CREB5: variants seen among roughly 807,000 people sequenced by gnomAD.
CREB5 encodes the protein cAMP responsive element binding protein 5.
In CREB5, 19 loss-of-function variants were observed where a neutral mutation model predicts 57.1. That is an observed-to-expected ratio of 0.33 (90% CI 0.23 to 0.49). The LOEUF (loss-of-function observed/expected upper bound fraction) is 0.49, where lower values mean the gene tolerates loss of function less well. Among genes scored for constraint, CREB5 ranks in the 20% least tolerant of loss-of-function variants. The pLI is 0.99. For synonymous variants in CREB5, 238 were observed against 238.3 expected (o/e 1.00, Z 0.01); for missense variants, 579 against 671.6 (o/e 0.86, Z 1.52).
Position 28,604,153 on chromosome 7 carries a change from C to T in CREB5, c.464+33616C>T, listed in dbSNP as rs547199384. Among the ~76,000 whole-genome samples, 16 of 152,222 alleles carry T rather than the reference C, an allele frequency of 1.1e-4. No individual in the cohort carries two copies. The South Asian group carries it at 3.1e-3, about 30-fold the overall frequency. On this transcript the variant is annotated intron_variant, in intron 5 of 10. Coordinates refer to ENST00000357727, the MANE Select transcript of CREB5 (RefSeq NM_182898.4). ...AGAAGGATCATGACTTATTCAAGGT[C>T]ACCACCACAGGAAATGAGGAATCAA...
intron 5 of CREB5, among the ~76,000 whole-genome samples, chr7:28,670,704 A>G (rs988781776): frequency 2.0e-4 from 30 of 152,228 alleles, no homozygotes; most frequent in Non-Finnish European, 1.5e-4. Flanking sequence ...GGAACTATAA[A>G]TCAATACAAG....
chr7:28,624,829 G>C (rs1182387666), intron 5 of CREB5, among the ~76,000 whole-genome samples: 2 of 152,130 alleles, frequency 1.3e-5, no homozygotes, highest in Admixed American at 1.3e-4. Flanking sequence ...CTCACTTTGT[G>C]ATATGGGTCA....
intron 7 of CREB5, among the ~76,000 whole-genome samples, chr7:28,729,151 A>G (rs922799124): frequency 3.9e-5 from 6 of 152,238 alleles, no homozygotes; most frequent in Admixed American, 2.6e-4. Flanking sequence ...AGGATGAGAA[A>G]GACAAGGCAT....
At chr7:28,533,147 A>G (rs1793798792) in intron 4 of CREB5, among the ~76,000 whole-genome samples, 1 of 152,118 alleles carries the variant, frequency 6.6e-6, no homozygotes, top group Non-Finnish European at 1.5e-5. Context: ...CGGAGGTAGC[A>G]GTGAGCCGAT....
At chr7:28,696,680 T>TGCATATATATGTAC (rs1467700156) in intron 5 of CREB5, among the ~76,000 whole-genome samples, 1 of 152,054 alleles carries the variant, frequency 6.6e-6, no homozygotes, top group African/African-American at 2.4e-5. Flanking sequence ...CTCACACATA[T>TGCATATATATGTAC]GCATATATAT....
At chr7:28,479,018 G>A (rs1192836062) in intron 1 of CREB5, among the ~76,000 whole-genome samples, 2 of 152,112 alleles carry the variant, frequency 1.3e-5, no homozygotes, top group South Asian at 4.1e-4. Context: ...AACTTTGCCC[G>A]AGTTTTTCAG....
intron 4 of CREB5, among the ~76,000 whole-genome samples, chr7:28,560,207 T>C (rs1189511776): frequency 1.3e-5 from 2 of 152,192 alleles, no homozygotes; most frequent in Non-Finnish European, 2.9e-5. Flanking sequence ...GGACAGGATT[T>C]AGCTAGGCAG....
chr7:28,479,607 G>A (rs1306946916), intron 1 of CREB5, among the ~76,000 whole-genome samples: 2 of 152,064 alleles, frequency 1.3e-5, no homozygotes, highest in African/African-American at 4.8e-5. Context: ...TCAAGGCTTC[G>A]GTATATTTTT....
At chr7:28,553,572 AC>A (rs1432299045) in intron 4 of CREB5, among the ~76,000 whole-genome samples, 1 of 152,142 alleles carries the variant, frequency 6.6e-6, no homozygotes, top group African/African-American at 2.4e-5. Context: ...TGTATATGAA[AC>A]CATAGAGGCA....
intron 1 of CREB5, among the ~76,000 whole-genome samples, chr7:28,391,465 C>T (rs1787215088): frequency 6.6e-6 from 1 of 152,122 alleles, no homozygotes; most frequent in Admixed American, 6.5e-5. Flanking sequence ...GTAAATAAAA[C>T]TTGTATTCAA....
intron 3 of CREB5, among the ~76,000 whole-genome samples, chr7:28,499,674 C>T (rs796440075): frequency 2.2e-4 from 33 of 152,278 alleles, no homozygotes; most frequent in African/African-American, 7.2e-4. Flanking sequence ...ACCTCTGCTT[C>T]CCGGGTTCAA....
Position 28,694,342 on chromosome 7 carries a change from A to T in CREB5, c.465-24411A>T, listed in dbSNP as rs563352207. On this transcript the variant is annotated intron_variant, in intron 5 of 10. Transcript: ENST00000357727. ...CTCACCAGCATCCACCCTAATATGG[A>T]TCATGCAGTGGCCTCTCTATAGCCA... is the stretch of plus-strand genomic sequence containing the variant. 5.3e-5 allele frequency among the ~76,000 whole-genome samples: 8 copies of T among 152,180 alleles called. No individual in the cohort carries two copies. In the South Asian group the frequency reaches 1.7e-3, roughly 32 times the overall value.
intron 4 of CREB5, among the ~76,000 whole-genome samples, chr7:28,524,589 G>A (rs1040170661): frequency 2.0e-5 from 3 of 152,158 alleles, no homozygotes; most frequent in Admixed American, 1.3e-4. Flanking sequence ...TTGGTTAATA[G>A]CCATGCTGTG....
At chr7:28,416,158 AC>A (rs1174890374) in intron 1 of CREB5, among the ~76,000 whole-genome samples, 2 of 152,338 alleles carry the variant, frequency 1.3e-5, no homozygotes, top group African/African-American at 4.8e-5. Flanking sequence ...GGCCTCACCC[AC>A]AGGTTTCCTC....
intron 4 of CREB5, among the ~76,000 whole-genome samples, chr7:28,553,658 G>C (rs953990): frequency 0.015 from 2,308 of 152,326 alleles, 78 homozygotes; most frequent in African/African-American, 0.052. Context: ...TGTGCACAGA[G>C]GAAATGGTCT....
Position 28,489,270 on chromosome 7 carries a change from A to T in CREB5, c.75+1024A>T, listed in dbSNP as rs1304287589. On this transcript the variant is annotated intron_variant, in intron 2 of 10. Transcript: ENST00000357727. The stretch of plus-strand genomic sequence containing the variant: ...TGCTTAGCAGTCAGATGAGAGCTTG[A>T]TAAGAAGGATTCATTGAGGACCCTT... 4.0e-5 allele frequency among the ~76,000 whole-genome samples: 6 copies of T among 150,294 alleles called. No individual in the cohort carries two copies. The East Asian group carries it at 1.2e-3, about 30-fold the overall frequency.
intron 7 of CREB5, among the ~76,000 whole-genome samples, chr7:28,727,425 G>T (rs532478160): frequency 6.6e-6 from 1 of 152,202 alleles, no homozygotes; most frequent in African/African-American, 2.4e-5. Flanking sequence ...TAGATACCTG[G>T]TGGACATTTT....
At chr7:28,452,287 AC>A (rs1431699293) in intron 1 of CREB5, among the ~76,000 whole-genome samples, 1 of 152,222 alleles carries the variant, frequency 6.6e-6, no homozygotes, top group East Asian at 1.9e-4. Context: ...GATTAAAAAA[AC>A]AAACCCTATC....
intron 1 of CREB5, among the ~76,000 whole-genome samples, chr7:28,305,611 G>A (rs954882955): frequency 6.6e-6 from 1 of 152,038 alleles, no homozygotes; most frequent in Non-Finnish European, 1.5e-5. Flanking sequence ...GAATTAATGG[G>A]GACTCTGCTA....
Sources: allele counts gnomAD v4.1 joint callset (sites outside exome capture counted in the v4.1 genomes callset), GRCh38; gene constraint gnomAD v4.1.1; transcripts MANE v1.5; gene names NCBI Gene and HGNC (gene_info 2026-07-23, HGNC 2026-07-21).